The following NRG1 variants were observed in gnomAD, a reference collection of about 807,000 sequenced individuals.
NRG1 encodes the protein pro-neuregulin-1, membrane-bound isoform.
In NRG1, 18 loss-of-function variants were observed where a neutral mutation model predicts 63.8. That is an observed-to-expected ratio of 0.28 (90% CI 0.19 to 0.42). NRG1 has a LOEUF of 0.42. Ranked by LOEUF, NRG1 falls within the 10% of genes least tolerant of loss-of-function variation. NRG1 has a pLI of 1.00. For synonymous variants in NRG1, 302 were observed against 301.3 expected (o/e 1.00, Z -0.02); for missense variants, 762 against 814.7 (o/e 0.94, Z 0.79).
At chr8:32,564,808 C>T (rs1238010659) in intron 1 of NRG1, among the ~76,000 whole-genome samples, 1 of 152,114 alleles carries the variant, frequency 6.6e-6, no homozygotes, top group East Asian at 1.9e-4. Flanking sequence ...CGCTTATAAT[C>T]CCAGCACTTT....
At chr8:32,585,688 CTTGTT>C (rs112520220) in intron 1 of NRG1, among the ~76,000 whole-genome samples, 38,802 of 151,856 alleles carry the variant, frequency 0.26, 5,020 homozygotes, top group South Asian at 0.33. Context: ...CAAGTATTGC[CTTGTT>C]TTATTTCCCC....
At chr8:32,402,847 G>A (rs757539000) in intron 1 of NRG1, among the ~76,000 whole-genome samples, 1 of 152,122 alleles carries the variant, frequency 6.6e-6, no homozygotes, top group Non-Finnish European at 1.5e-5. Flanking sequence ...AAAGGGTTTC[G>A]TACTACCCAC....
intron 1 of NRG1, among the ~76,000 whole-genome samples, chr8:31,779,674 T>C (rs540250915): frequency 6.6e-6 from 1 of 152,220 alleles, no homozygotes; most frequent in East Asian, 1.9e-4. Context: ...GGATGACTCA[T>C]AGAGGAGGTA....
intron 1 of NRG1, among the ~76,000 whole-genome samples, chr8:32,412,451 T>TATATATATATATATATAC (rs1340279592): frequency 5.0e-5 from 3 of 59,952 alleles, no homozygotes; most frequent in African/African-American, 1.8e-4. Context: ...TATATATATA[T>TATATATATATATATATAC]ACATATATAT....
At chr8:32,471,617 AT>A (rs1447643482) in intron 1 of NRG1, among the ~76,000 whole-genome samples, 2 of 152,100 alleles carry the variant, frequency 1.3e-5, no homozygotes, top group Non-Finnish European at 2.9e-5. Flanking sequence ...AGCCTTACGT[AT>A]TTTTTAAGGT....
chr8:32,122,774 C>T (rs1470502837), intron 1 of NRG1, among the ~76,000 whole-genome samples: 1 of 151,632 alleles, frequency 6.6e-6, no homozygotes, highest in Non-Finnish European at 1.5e-5. Flanking sequence ...TCCCTCCCCG[C>T]TCCCCCCACC....
intron 1 of NRG1, among the ~76,000 whole-genome samples, chr8:32,413,657 A>G (rs1171057882): frequency 6.6e-6 from 1 of 152,172 alleles, no homozygotes; most frequent in Non-Finnish European, 1.5e-5. Context: ...AATAAAGTGG[A>G]GTTTTGTTCA....
At chr8:32,074,391 TA>T (rs1826189484) in intron 1 of NRG1, among the ~76,000 whole-genome samples, 1 of 152,186 alleles carries the variant, frequency 6.6e-6, no homozygotes, top group South Asian at 2.1e-4. Context: ...GCCTCATATT[TA>T]AATGTGTGTA....
intron 1 of NRG1, among the ~76,000 whole-genome samples, chr8:31,889,044 T>C (rs1330056112): frequency 1.3e-5 from 2 of 152,078 alleles, no homozygotes; most frequent in Non-Finnish European, 2.9e-5. Context: ...TCTAAAGAAA[T>C]ATTTAATGGT....
intron 1 of NRG1, among the ~76,000 whole-genome samples, chr8:31,893,581 AT>A (rs1585558111): frequency 1.3e-5 from 2 of 151,676 alleles, no homozygotes; most frequent in East Asian, 3.9e-4. Flanking sequence ...TAATAAAAAA[AT>A]CATAAGAGAA....
chr8:32,204,210 T>C (rs7012600), intron 1 of NRG1, among the ~76,000 whole-genome samples: 1 of 152,172 alleles, frequency 6.6e-6, no homozygotes, highest in Non-Finnish European at 1.5e-5. Context: ...GCAGTCCAGA[T>C]TGTGTTGGGC....
At chr8:31,993,711 A>C (rs1811461921) in intron 1 of NRG1, among the ~76,000 whole-genome samples, 1 of 151,986 alleles carries the variant, frequency 6.6e-6, no homozygotes, top group South Asian at 2.1e-4. Context: ...GCAGCATGAG[A>C]ATGGACTAAT....
At chr8:32,753,508 T>A (rs1829110001) in intron 7 of NRG1, among the ~76,000 whole-genome samples, 1 of 152,256 alleles carries the variant, frequency 6.6e-6, no homozygotes, top group African/African-American at 2.4e-5. Context: ...AACGTAGGAA[T>A]GTGCACTCTA....
chr8:32,049,493 G>T (rs1308258788), intron 1 of NRG1, among the ~76,000 whole-genome samples: 1 of 152,082 alleles, frequency 6.6e-6, no homozygotes, highest in Non-Finnish European at 1.5e-5. Context: ...GATTTAATCA[G>T]TTTTAGTTTA....
intron 1 of NRG1, among the ~76,000 whole-genome samples, chr8:32,312,506 C>T (rs1466543580): frequency 6.6e-6 from 1 of 151,634 alleles, no homozygotes. Context: ...TTCAAACAGT[C>T]CCTCTGCAAG....
chr8:32,764,445 ATATAATAAAGTATTC>A (rs1465027609), exon 12 of NRG1: 1 of 1,437,452 alleles, frequency 7.0e-7, no homozygotes, highest in South Asian at 1.5e-5. Flanking sequence ...ACTTTATTTT[ATATAATAAAGTATTC>A]CACCTTAAAT....
chr8:31,951,026 C>G (rs952311234), intron 1 of NRG1, among the ~76,000 whole-genome samples: 15 of 152,252 alleles, frequency 9.9e-5, no homozygotes, highest in African/African-American at 3.6e-4. Context: ...ACAGTTAATC[C>G]TCTTATTAAC....
chr8:32,418,410 T>C (rs1387242831), intron 1 of NRG1, among the ~76,000 whole-genome samples: 2 of 151,832 alleles, frequency 1.3e-5, no homozygotes, highest in Non-Finnish European at 2.9e-5. Context: ...TTTATATACA[T>C]AGAACATTGT....
chr8:32,452,707 T>C (rs2129488181), intron 1 of NRG1, among the ~76,000 whole-genome samples: 1 of 152,212 alleles, frequency 6.6e-6, no homozygotes, highest in East Asian at 1.9e-4. Flanking sequence ...AATATTCTAA[T>C]GTGTAAACTT....
Sources: allele counts gnomAD v4.1 joint callset (sites outside exome capture counted in the v4.1 genomes callset), GRCh38; gene constraint gnomAD v4.1.1; transcripts MANE v1.5; gene names NCBI Gene and HGNC (gene_info 2026-07-23, HGNC 2026-07-21).